CSMD3: variants seen among roughly 807,000 people sequenced by gnomAD.
CSMD3 encodes CUB and Sushi multiple domains 3.
CSMD3 carries 177 observed loss-of-function variants against 435.2 expected under a neutral mutation model. The observed-to-expected ratio is 0.41, with a 90% CI of 0.36 to 0.46. The LOEUF is 0.46. Among genes scored for constraint, CSMD3 ranks in the 20% least tolerant of loss-of-function variants. The pLI, the probability that CSMD3 is intolerant of heterozygous loss-of-function variation, is 0.34. For missense variants in CSMD3, 4,265 were observed against 4,504.6 expected, an observed-to-expected ratio of 0.95 and a Z score of 1.52; for synonymous variants, 1,656 against 1,520.5, an observed-to-expected ratio of 1.09 and a Z score of -2.07.
chr8:112,721,042 T>A (rs1478452643), intron 13 of CSMD3, among the ~76,000 whole-genome samples: 1 of 152,136 alleles, frequency 6.6e-6, no homozygotes, highest in East Asian at 1.9e-4. Flanking sequence ...ACAGGGTCTA[T>A]CAAGAAGTTA....
intron 5 of CSMD3, among the ~76,000 whole-genome samples, chr8:113,057,762 T>C (rs1289866058): frequency 6.6e-6 from 1 of 151,942 alleles, no homozygotes; most frequent in African/African-American, 2.4e-5. Context: ...ATTCTACTTT[T>C]ATATATCAGA....
At chr8:112,940,261 C>T (rs765268228) in intron 9 of CSMD3, among the ~76,000 whole-genome samples, 8 of 151,688 alleles carry the variant, frequency 5.3e-5, no homozygotes, top group Non-Finnish European at 8.9e-5. Context: ...TTTAATAATC[C>T]AGATACAAAT....
intron 3 of CSMD3, among the ~76,000 whole-genome samples, chr8:113,237,636 CA>C (rs138272165): frequency 0.099 from 14,997 of 152,214 alleles, 1,104 homozygotes; most frequent in African/African-American, 0.2. Flanking sequence ...ATGAATTACT[CA>C]GATTGTTTAA....
chr8:112,784,303 T>C lies in CSMD3; in HGVS notation c.1972+15859A>G, dbSNP rs186042024. 2.7e-3 allele frequency among the ~76,000 whole-genome samples: 414 copies of C among 152,122 alleles called. 2 individuals are homozygous for C. Among genetic ancestry groups the C allele is most frequent in the African/African-American group, 8.5e-3 (352 of 41,560 alleles). On this transcript the variant is annotated intron_variant, in intron 13 of 70. Coordinates refer to ENST00000297405, the MANE Select transcript of CSMD3 (RefSeq NM_198123.2). ...ATAGCAGTACTAAAAGGAAAGTTTA[T>C]AGCAATAAGCTCCTACATCAAAAGA... is the stretch of plus-strand genomic sequence containing the variant.
At chr8:112,697,266 A>T (rs1033444207) in intron 13 of CSMD3, among the ~76,000 whole-genome samples, 4 of 152,218 alleles carry the variant, frequency 2.6e-5, no homozygotes, top group East Asian at 1.9e-4. Flanking sequence ...TGCTATAAAG[A>T]CACATGCATC....
At chr8:112,560,164 CT>C (rs530224197) in intron 24 of CSMD3, among the ~76,000 whole-genome samples, 116 of 151,852 alleles carry the variant, frequency 7.6e-4, no homozygotes, top group Non-Finnish European at 1.5e-3. Flanking sequence ...GTTCTAAGTA[CT>C]AAGTTTATCC....
At chr8:112,524,540 A>C (rs1300446794) in intron 27 of CSMD3, among the ~76,000 whole-genome samples, 1 of 152,036 alleles carries the variant, frequency 6.6e-6, no homozygotes, top group Admixed American at 6.6e-5. Flanking sequence ...TGATATCCTT[A>C]CCCTTCAAGG....
chr8:112,429,257 A>G (rs560579168), intron 32 of CSMD3, among the ~76,000 whole-genome samples: 4 of 152,152 alleles, frequency 2.6e-5, no homozygotes, highest in African/African-American at 9.6e-5. Flanking sequence ...TGTGAAATTG[A>G]CGTTTTTAGA....
At chr8:113,323,951 A>G (rs2093966065) in intron 1 of CSMD3, among the ~76,000 whole-genome samples, 1 of 152,200 alleles carries the variant, frequency 6.6e-6, no homozygotes, top group Non-Finnish European at 1.5e-5. Flanking sequence ...AATACTTTAC[A>G]GTTAATAAGA....
Position 112,417,098 on chromosome 8 carries a change from T to C in CSMD3, c.5396-8066A>G, listed in dbSNP as rs1362228154. ...CAAATGACAAGCCCTCTTTGTTGCATAGAAGAATGGATGAAGCAACCTAAA... is the reference window on the plus strand; with the variant it reads ...CAAATGACAAGCCCTCTTTGTTGCACAGAAGAATGGATGAAGCAACCTAAA... On this transcript the variant is annotated intron_variant, in intron 32 of 70. Coordinates refer to ENST00000297405, the MANE Select transcript of CSMD3 (RefSeq NM_198123.2). Among the ~76,000 whole-genome samples the C allele has an allele frequency of 3.9e-5, 6 of 152,174 alleles. No homozygotes were observed. In the South Asian group the frequency reaches 6.2e-4, roughly 16 times the overall value.
intron 32 of CSMD3, among the ~76,000 whole-genome samples, chr8:112,462,327 T>C (rs1817533111): frequency 6.6e-6 from 1 of 152,244 alleles, no homozygotes; most frequent in Admixed American, 6.5e-5. Context: ...ATGGGGAAAG[T>C]ACTAATATGT....
intron 58 of CSMD3, among the ~76,000 whole-genome samples, chr8:112,286,725 A>C: frequency 6.6e-6 from 1 of 152,128 alleles, no homozygotes; most frequent in East Asian, 1.9e-4. Flanking sequence ...GGCTCCCACT[A>C]AAAGTCTTGG....
At chr8:112,602,899 C>T (rs1294963525) in intron 22 of CSMD3, among the ~76,000 whole-genome samples, 3 of 152,068 alleles carry the variant, frequency 2.0e-5, no homozygotes, top group Non-Finnish European at 4.4e-5. Context: ...ACATATCAAG[C>T]AATTCACATT....
chr8:112,341,376 T>C (rs1000461824), intron 42 of CSMD3, 101 bp downstream of exon 42: 13 of 852,936 alleles, frequency 1.5e-5, no homozygotes, highest in Non-Finnish European at 2.0e-5. Flanking sequence ...TTTTTTTTTT[T>C]CTTTCTAAAA....
intron 13 of CSMD3, among the ~76,000 whole-genome samples, chr8:112,759,503 T>C (rs901705652): frequency 7.9e-5 from 12 of 152,110 alleles, no homozygotes; most frequent in African/African-American, 2.7e-4. Context: ...TTATATTACA[T>C]TGAAATGTAC....
intron 3 of CSMD3, among the ~76,000 whole-genome samples, chr8:113,243,357 ATATTT>A (rs373364332): frequency 1.9e-3 from 287 of 152,068 alleles, no homozygotes; most frequent in South Asian, 9.7e-3. Flanking sequence ...TTTCATCAGT[ATATTT>A]TATTTTAAAA....
rs1303404033 is a variant in CSMD3 at position 113,248,220 on chromosome 8, T to A, written c.514+30372A>T. Among the ~76,000 whole-genome samples the A allele has an allele frequency of 2.6e-5, 4 of 151,770 alleles. No individual in the cohort carries two copies. In the East Asian group the frequency reaches 7.8e-4, roughly 29 times the overall value. On this transcript the variant is annotated intron_variant, in intron 3 of 70. Transcript: ENST00000297405. ...GAACTGGCTCTCGTTAGTAAGAGTG[T>A]TGAATACAATGGTTAAAAATAGAGA...
In CSMD3 at chr8:112,517,031, T is replaced by C; in HGVS notation, c.4756+3A>G. The C allele has an allele frequency of 2.5e-6, 4 of 1,607,570 alleles. No individual in the cohort carries two copies. The highest frequency in any genetic ancestry group is 3.4e-6 in the Non-Finnish European group (4 of 1,174,644). Reference sequence around the variant, plus strand: ...AAAATTTTAATTGTTCTTTAATTCATACCTATACAGACTGGTGGGCTGGGC... The same window carrying C: ...AAAATTTTAATTGTTCTTTAATTCACACCTATACAGACTGGTGGGCTGGGC... On this transcript the variant is annotated splice_donor_region_variant and intron_variant, in intron 28 of 70. Transcript: ENST00000297405.
chr8:113,243,651 T>A (rs2093244324), intron 3 of CSMD3, among the ~76,000 whole-genome samples: 1 of 152,136 alleles, frequency 6.6e-6, no homozygotes, highest in Non-Finnish European at 1.5e-5. Context: ...CTAGATTATA[T>A]GGTAACTCTG....
Sources: allele counts gnomAD v4.1 joint callset (sites outside exome capture counted in the v4.1 genomes callset), GRCh38; gene constraint gnomAD v4.1.1; transcripts MANE v1.5; gene names NCBI Gene and HGNC (gene_info 2026-07-23, HGNC 2026-07-21).